PGPEP1: variants seen among roughly 807,000 people sequenced by gnomAD.
PGPEP1 encodes pyroglutamyl-peptidase I.
Under a neutral mutation model 24.1 loss-of-function variants are expected in PGPEP1, and 15 were observed. The observed-to-expected ratio is 0.62, with a 90% CI of 0.42 to 0.96. The LOEUF (loss-of-function observed/expected upper bound fraction) is 0.96, where lower values mean the gene tolerates loss of function less well. PGPEP1 is among the 40% of genes least tolerant of loss of function. The pLI is 0.00. For missense variants in PGPEP1, 242 were observed against 273.4 expected (o/e 0.89, Z 0.81); for synonymous variants, 122 against 116.4 (o/e 1.05, Z -0.31).
At position 18,342,827 on chromosome 19, in the gene PGPEP1, T is replaced by C. The variant is rs773025904; in HGVS notation, c.35-32T>C. Reference sequence around the variant, plus strand: ...GGGGCAGACTGGGAAGGGCCACTCTTGGGTAATATATTGCTTTTCCTGTTT... The same window carrying C: ...GGGGCAGACTGGGAAGGGCCACTCTCGGGTAATATATTGCTTTTCCTGTTT... On this transcript the variant is annotated intron_variant, in intron 1 of 4. Transcript: ENST00000269919. 6.3e-6 allele frequency: 10 copies of C among 1,588,488 alleles called. No homozygotes were observed. In the African/African-American group the frequency reaches 1.3e-4, roughly 21 times the overall value.
At position 18,363,672 on chromosome 19, in the gene PGPEP1, C is replaced by A; in HGVS notation, c.*89C>A. The A allele has an allele frequency of 2.2e-6, 2 of 930,098 alleles. No homozygotes were observed. Among genetic ancestry groups the A allele is most frequent in the Non-Finnish European group, 1.6e-6 (1 of 616,972 alleles). The allele number at this position is 930,098 out of a possible 1,614,324, so 57.6% of individuals were successfully genotyped here. A position where few individuals can be genotyped will look rare whatever the true frequency, so the allele number is the denominator to read the frequency against. ...TGGGGTGTGGCCAGGAAAAGACAAG[C>A]TCTTCAGCTTGGGGATCCGATCTGG... On this transcript the variant is annotated 3_prime_UTR_variant, in exon 5 of 5. Coordinates refer to ENST00000269919, the MANE Select transcript of PGPEP1 (RefSeq NM_017712.4).
rs984307228 is a variant in PGPEP1 at position 18,364,762 on chromosome 19, C to G, written c.*1179C>G. The G allele has an allele frequency of 1.3e-5, 2 of 152,226 alleles. No individual in the cohort carries two copies. The highest frequency in any genetic ancestry group is 4.8e-5 in the African/African-American group (2 of 41,452). The allele number at this position is 152,226 out of a possible 1,614,324, so 9.4% of individuals were successfully genotyped here. ...GGGTCGTGGTCCTTTCAACACCAAG[C>G]TATGAGCTGTCGCCATGGAGACCAG... On this transcript the variant is annotated 3_prime_UTR_variant, in exon 5 of 5. Transcript: ENST00000269919.
intron 2 of PGPEP1, among the ~76,000 whole-genome samples, chr19:18,348,113 T>TG (rs1970911073): frequency 6.6e-6 from 1 of 151,936 alleles, no homozygotes; most frequent in Non-Finnish European, 1.5e-5. Flanking sequence ...CGAGGCACCA[T>TG]GTGTCTCGTG....
intron 2 of PGPEP1, among the ~76,000 whole-genome samples, chr19:18,345,194 G>A (rs12462277): frequency 5.3e-5 from 8 of 151,942 alleles, no homozygotes; most frequent in Admixed American, 5.3e-4. Flanking sequence ...TACAGACGAG[G>A]TTTTGCCATG....
intron 4 of PGPEP1, among the ~76,000 whole-genome samples, chr19:18,361,081 C>T (rs955961565): frequency 2.6e-5 from 4 of 151,966 alleles, no homozygotes; most frequent in African/African-American, 9.7e-5. Flanking sequence ...ATATGCCCAC[C>T]TTGGCCTCCC....
chr19:18,349,543 T>C (rs1473279866), intron 2 of PGPEP1, among the ~76,000 whole-genome samples: 1 of 152,196 alleles, frequency 6.6e-6, no homozygotes, highest in Non-Finnish European at 1.5e-5. Flanking sequence ...TTGTGCCCAT[T>C]AGGGAAAAGA....
chr19:18,345,725 C>CAAAAAA (rs1263995077), intron 2 of PGPEP1, among the ~76,000 whole-genome samples: 10 of 89,726 alleles, frequency 1.1e-4, no homozygotes, highest in East Asian at 1.1e-3. Flanking sequence ...GACCCTATCT[C>CAAAAAA]AAAAAAAAAA....
intron 4 of PGPEP1, among the ~76,000 whole-genome samples, chr19:18,361,003 T>C (rs923818716): frequency 1.3e-5 from 2 of 151,848 alleles, no homozygotes; most frequent in South Asian, 4.1e-4. Flanking sequence ...AGCTAATTTT[T>C]GTATTTTTAG....
chr19:18,356,374 C>T (rs923535442), intron 3 of PGPEP1, among the ~76,000 whole-genome samples: 4 of 151,758 alleles, frequency 2.6e-5, no homozygotes, highest in South Asian at 2.1e-4. Context: ...GCGGAGGTTG[C>T]GGTGAGCCAA....
rs778731589 is a variant in PGPEP1, at chr19:18,363,512, G to A, written c.559G>A (p.Ala187Thr). ...GGACCAGCTGGGCAGGGCACTGAGAGCCATCATTGAGGAGATGTTGGACCT... is the reference window on the plus strand; with the variant it reads ...GGACCAGCTGGGCAGGGCACTGAGAACCATCATTGAGGAGATGTTGGACCT... Reference protein sequence around the residue: ...NADQLGRALRAIIEEMLDLLE... With the variant: ...NADQLGRALRTIIEEMLDLLE... The change falls in exon 5 of 5, where the codon GCC becomes ACC. Residue 187 changes from alanine (A) to threonine (T), a missense_variant. Physicochemically the swap from Ala to Thr is moderately conservative, Grantham distance 58. Coordinates refer to ENST00000269919, the MANE Select transcript of PGPEP1 (RefSeq NM_017712.4). 7 of 1,614,178 alleles carry A rather than the reference G, an allele frequency of 4.3e-6. No individual in the cohort carries two copies. The South Asian group carries it at 7.7e-5, about 18-fold the overall frequency.
Position 18,357,419 on chromosome 19 carries a change from A to G in PGPEP1, c.241A>G (p.Thr81Ala), listed in dbSNP as rs753832097. 1.7e-5 allele frequency: 27 copies of G among 1,614,032 alleles called. No individual in the cohort carries two copies. In the South Asian group the frequency reaches 2.7e-4, roughly 16 times the overall value. Residue 81 changes from threonine to alanine, a missense_variant, in exon 4 of 5, where the codon ACA (threonine) becomes GCA (alanine). Physicochemically the swap from Thr to Ala is moderately conservative, Grantham distance 58 (BLOSUM62 0). Transcript: ENST00000269919. ...VHVGVSGMAT[T>A]VTLEKCGHNK... Reference sequence around the variant, plus strand: ...TGTGGGGGTGTCAGGCATGGCGACCACAGTCACACTGGAGAAATGTGGACA... The same window carrying G: ...TGTGGGGGTGTCAGGCATGGCGACCGCAGTCACACTGGAGAAATGTGGACA...
At position 18,365,972 on chromosome 19, in the gene PGPEP1, T is replaced by A. The variant is rs990728462; in HGVS notation, c.*2389T>A. The A allele has an allele frequency of 6.6e-6, 1 of 152,114 alleles. No homozygotes were observed. Among genetic ancestry groups the A allele is most frequent in the Admixed American group, 6.6e-5 (1 of 15,230 alleles). 9.4% of individuals were successfully genotyped at this position (152,114 alleles called of 1,614,324 possible). On this transcript the variant is annotated 3_prime_UTR_variant, in exon 5 of 5. Transcript: ENST00000269919. The stretch of plus-strand genomic sequence containing the variant: ...CCCCTCCACACCCCTGGTAGCTCTG[T>A]GTCCTGAGAAATCCAGAGTGTGGGA...
intron 2 of PGPEP1, among the ~76,000 whole-genome samples, chr19:18,347,841 T>C (rs1194448535): frequency 1.3e-5 from 2 of 151,728 alleles, no homozygotes; most frequent in South Asian, 4.1e-4. Flanking sequence ...ACCATATTGG[T>C]CAGGCTGGTC....
Position 18,357,560 on chromosome 19 carries a change from C to T in PGPEP1, c.382C>T (p.Arg128Ter), listed in dbSNP as rs778920459. The part of the protein sequence containing the change: ...SIIDMDAVCK[R>*]VTTLGLDVSV... ...CATCGACATGGATGCTGTGTGCAAGCGAGTCACCACGTTGGGCCTGGATGT... is the reference window on the plus strand; with the variant it reads ...CATCGACATGGATGCTGTGTGCAAGTGAGTCACCACGTTGGGCCTGGATGT... The change falls in exon 4 of 5, where the codon CGA (arginine) becomes TGA (stop). Residue 128 changes from arginine (R) to a stop codon, truncating the protein, a stop_gained. Coordinates refer to ENST00000269919, the MANE Select transcript of PGPEP1 (RefSeq NM_017712.4). LOFTEE classifies it high-confidence loss of function. 1.1e-5 allele frequency: 17 copies of T among 1,612,726 alleles called. No homozygotes were observed. The highest frequency in any genetic ancestry group is 2.2e-5 in the South Asian group (2 of 90,838).
At chr19:18,345,404 A>G (rs577058580) in intron 2 of PGPEP1, among the ~76,000 whole-genome samples, 4 of 152,260 alleles carry the variant, frequency 2.6e-5, no homozygotes, top group Admixed American at 1.3e-4. Context: ...CACTTAAACA[A>G]AACAAAACAA....
At chr19:18,345,690 C>T (rs1349098231) in intron 2 of PGPEP1, among the ~76,000 whole-genome samples, 2 of 144,522 alleles carry the variant, frequency 1.4e-5, no homozygotes, top group East Asian at 2.1e-4. Flanking sequence ...AGTATCACTG[C>T]ACTCTAGCCC....
At chr19:18,346,047 CA>C (rs1970835312) in intron 2 of PGPEP1, among the ~76,000 whole-genome samples, 1 of 151,250 alleles carries the variant, frequency 6.6e-6, no homozygotes. Flanking sequence ...AGATCTCGAA[CA>C]TTCTCTGGTT....
chr19:18,342,136 T>C (rs1054829267), intron 1 of PGPEP1, among the ~76,000 whole-genome samples: 7 of 152,160 alleles, frequency 4.6e-5, no homozygotes, highest in African/African-American at 1.7e-4. Context: ...CTCAAACTTC[T>C]GACCTCAGGT....
At chr19:18,353,120 C>T (rs1033715259) in intron 2 of PGPEP1, among the ~76,000 whole-genome samples, 2 of 150,828 alleles carry the variant, frequency 1.3e-5, no homozygotes, top group African/African-American at 2.4e-5. Flanking sequence ...GGTTTCACCA[C>T]GTTGGCCAGG....
Sources: allele counts gnomAD v4.1 joint callset (sites outside exome capture counted in the v4.1 genomes callset), GRCh38; gene constraint gnomAD v4.1.1; transcripts MANE v1.5; gene names NCBI Gene and HGNC (gene_info 2026-07-23, HGNC 2026-07-21).